Variants in POLRMT observed in about 807,000 individuals in gnomAD.
POLRMT encodes DNA-directed RNA polymerase, mitochondrial.
In POLRMT, 114 loss-of-function variants were observed where a neutral mutation model predicts 132.2. The ratio of observed to expected loss-of-function variants is 0.86; its 90% CI spans 0.74 to 1.01. The LOEUF is 1.01. Ranked by LOEUF, POLRMT falls within the 50% of genes least tolerant of loss-of-function variation. The pLI is 0.00. For synonymous variants in POLRMT, 1,020 were observed against 773.4 expected (o/e 1.32, Z -5.29); for missense variants, 2,003 against 1,729.1 (o/e 1.16, Z -2.81).
At chr19:630,221 A>C in intron 2 of POLRMT, 53 bp from the exon 3 acceptor site, 1 of 1,523,882 alleles carries the variant, frequency 6.6e-7, no homozygotes, top group Non-Finnish European at 8.8e-7. Flanking sequence ...CCATTCGAGC[A>C]CCCGTCTCTC....
At position 620,152 on chromosome 19, in the gene POLRMT, C is replaced by T. The variant is rs1445381881; in HGVS notation, c.2764-72G>A. The T allele has an allele frequency of 2.6e-6, 4 of 1,518,282 alleles. No individual in the cohort carries two copies. In the East Asian group the frequency reaches 7.4e-5, roughly 28 times the overall value. 94.1% of individuals were successfully genotyped at this position (1,518,282 alleles called of 1,614,324 possible). A position where few individuals can be genotyped will look rare whatever the true frequency, so the allele number is the denominator to read the frequency against. ...ACGTGTGGGACCCCAAACCACCCCC[C>T]AGGTCGAGCCGTTCCTAGGGCCGTG... On this transcript the variant is annotated intron_variant, in intron 11 of 20. Coordinates refer to ENST00000588649, the MANE Select transcript of POLRMT (RefSeq NM_005035.4).
chr19:626,909 A>G (rs1247422295), intron 3 of POLRMT, among the ~76,000 whole-genome samples: 2 of 150,312 alleles, frequency 1.3e-5, no homozygotes, highest in Non-Finnish European at 3.0e-5. Context: ...ATATATATAT[A>G]TATATAAAAT....
At chr19:617,536 G>A (rs561702102) in intron 19 of POLRMT, 34 bp downstream of exon 19, 24 of 1,603,422 alleles carry the variant, frequency 1.5e-5, no homozygotes, top group African/African-American at 9.4e-5. Context: ...GGTGGGGGGG[G>A]AATCCAGGTA....
chr19:631,571 G>A (rs1446214262), intron 2 of POLRMT, among the ~76,000 whole-genome samples: 4 of 151,722 alleles, frequency 2.6e-5, no homozygotes, highest in Non-Finnish European at 5.9e-5. Flanking sequence ...CTCGGGAGGC[G>A]GAGGCTGCAG....
At position 622,261 on chromosome 19, in the gene POLRMT, G is replaced by A. The variant is rs775227402; in HGVS notation, c.1739C>T (p.Ala580Val). 3.2e-6 allele frequency: 5 copies of A among 1,561,662 alleles called. No individual in the cohort carries two copies. The highest frequency in any genetic ancestry group is 4.3e-6 in the Non-Finnish European group (5 of 1,154,402). ...CTGCGTAGCCTGCACCAGCATCTCCGCCAGCAGCTTGCCCAGCTCCATCTG... is the reference window on the plus strand; with the variant it reads ...CTGCGTAGCCTGCACCAGCATCTCCACCAGCAGCTTGCCCAGCTCCATCTG... ...PVQMELGKLL[A>V]EMLVQATQMP... Residue 580 changes from alanine to valine, a missense_variant, in exon 9 of 21, where the codon GCG (alanine) becomes GTG (valine). Transcript: ENST00000588649.
rs1003073711 is a variant in POLRMT, at chr19:622,358, G to A, written c.1642C>T (p.Leu548=). The A allele has an allele frequency of 3.6e-5, 56 of 1,551,018 alleles. No homozygotes were observed. Among genetic ancestry groups the A allele is most frequent in the Non-Finnish European group, 4.5e-5 (52 of 1,149,638 alleles). The change falls in exon 9 of 21, where the codon CTG becomes TTG. Residue 548 remains leucine, a synonymous_variant. Transcript: ENST00000588649. ...AGCTCCTCCCAGTACTGCCGCGGCA[G>A]GCAGGGCTCGGGCACCTGTAGGACA... The part of the protein sequence containing the change: ...ASDAEVPEPC[L]PRQYWEELGA...
At chr19:633,279 G>C (rs1016102976) in intron 1 of POLRMT, 146 bp downstream of exon 1, 1 of 1,038,168 alleles carries the variant, frequency 9.6e-7, no homozygotes. Context: ...AAGCGGGCAA[G>C]GGCGAGTGGA....
At position 618,069 on chromosome 19, in the gene POLRMT, C is replaced by T. The variant is rs567714620; in HGVS notation, c.3423-220G>A. ...TCCCAGAAGCCTCCTCGCCCCACCC[C>T]TGCCGCCCCCCACGCTGCTGTGGGA... On this transcript the variant is annotated intron_variant, in intron 17 of 20. Coordinates refer to ENST00000588649, the MANE Select transcript of POLRMT (RefSeq NM_005035.4). 5 of 588,336 alleles carry T rather than the reference C, an allele frequency of 8.5e-6. No homozygotes were observed. The African/African-American group carries it at 9.3e-5, about 11-fold the overall frequency. The allele number at this position is 588,336 out of a possible 1,614,324, so 36.4% of individuals were successfully genotyped here.
rs745717314 is a variant in POLRMT at position 619,987 on chromosome 19, G to A, written c.2857C>T (p.Gln953Ter). The change falls in exon 12 of 21, where the codon CAG (glutamine) becomes TAG (stop). Residue 953 changes from glutamine to a stop codon, truncating the protein, a stop_gained. Transcript: ENST00000588649. LOFTEE classifies it high-confidence loss of function. ...GCGGCCACGCCGCTGTACACGTCCTGCGGCACATCCGAGGGCTCCAGGTTG... is the reference window on the plus strand; with the variant it reads ...GCGGCCACGCCGCTGTACACGTCCTACGGCACATCCGAGGGCTCCAGGTTG... ...SVNLEPSDVP[Q>*]DVYSGVAAQV... is the part of the protein sequence containing the mutation. 6 of 1,597,614 alleles carry A rather than the reference G, an allele frequency of 3.8e-6. No individual in the cohort carries two copies. The highest frequency in any genetic ancestry group is 2.2e-5 in the East Asian group (1 of 44,504).
intron 6 of POLRMT, among the ~76,000 whole-genome samples, chr19:623,230 C>T (rs1568170342): frequency 6.6e-6 from 1 of 152,258 alleles, no homozygotes; most frequent in Non-Finnish European, 1.5e-5. Context: ...CGGGACCCCA[C>T]AAGTTTTCCC....
Position 621,137 on chromosome 19 carries a change from C to T in POLRMT, c.2561G>A (p.Arg854Gln), listed in dbSNP as rs1351420945. The change falls in exon 10 of 21, where the codon CGG becomes CAG. Residue 854 changes from arginine to glutamine, a missense_variant. By Grantham distance (43) the Arg-to-Gln change is conservative (BLOSUM62 1). Coordinates refer to ENST00000588649, the MANE Select transcript of POLRMT (RefSeq NM_005035.4). ...HLVNLTGLKK[R>Q]EPLRKRLAFA... ...GGCCAGGCGCTTCCGCAGCGGCTCC[C>T]GCTTCTTCAACCCCGTGAGATTGAC... 3 of 1,610,962 alleles carry T rather than the reference C, an allele frequency of 1.9e-6. No homozygotes were observed. Among genetic ancestry groups the T allele is most frequent in the Non-Finnish European group, 2.5e-6 (3 of 1,178,790 alleles).
intron 15 of POLRMT, 102 bp from the exon 16 acceptor site, chr19:618,862 C>A: frequency 7.1e-7 from 1 of 1,416,702 alleles, no homozygotes; most frequent in Non-Finnish European, 9.7e-7. Context: ...AGGATGGTGG[C>A]ACACTGGCGC....
At chr19:623,721 T>TCGCTG (rs1568170987) in intron 5 of POLRMT, 118 bp from the exon 6 acceptor site, 2 of 1,285,338 alleles carry the variant, frequency 1.6e-6, no homozygotes, top group Non-Finnish European at 2.2e-6. Context: ...CTGGTGGCTA[T>TCGCTG]CGCTGACGCG....
rs1984894209 is a variant in POLRMT, at chr19:624,736, T to C, written c.1123A>G (p.Arg375Gly). Residue 375 changes from arginine (R) to glycine (G), a missense_variant, in exon 5 of 21, where the codon AGG becomes GGG. Arg to Gly is a moderately radical substitution (Grantham distance 125, BLOSUM62 -2). Coordinates refer to ENST00000588649, the MANE Select transcript of POLRMT (RefSeq NM_005035.4). ...GGGCTCACCTTGGCATACACGTCCC[T>C]GAGCAGCTTGGAGGTGTTGACCGGG... is the stretch of plus-strand genomic sequence containing the variant. ...PPPVNTSKLL[R>G]DVYAKDGRVS... The C allele has an allele frequency of 1.2e-6, 2 of 1,613,598 alleles. No homozygotes were observed. Among genetic ancestry groups the C allele is most frequent in the Admixed American group, 1.7e-5 (1 of 59,982 alleles).
In POLRMT at chr19:627,147, C is replaced by CTTTT. The variant is rs771954413; in HGVS notation, c.823-1894_823-1893insAAAA. On this transcript the variant is annotated intron_variant, in intron 3 of 20. Transcript: ENST00000588649. ...GAGACCAGAGACATGAGTTTTGGGG[C>CTTTT]ATTTTTTTTTTTTTTTTTTTTTGAG... Among the ~76,000 whole-genome samples, 24 of 131,232 alleles carry CTTTT rather than the reference C, an allele frequency of 1.8e-4. 2 individuals carry two copies. The highest frequency in any genetic ancestry group is 4.7e-4 in the Admixed American group (6 of 12,746). 86.1% of individuals were successfully genotyped at this position (131,232 alleles called of 152,430 possible). A position where few individuals can be genotyped will look rare whatever the true frequency, so the allele number is the denominator to read the frequency against.
chr19:629,897 C>A lies in POLRMT; in HGVS notation c.465G>T (p.Ala155=), dbSNP rs144975902. ...GCTCCACCTGCAGGCGCCTGGTCAG[C>A]GCCTTGAACTCCCCGCTCTGGAATG... ...QMPFQSGEFK[A]LTRRLQVEPR... The change falls in exon 3 of 21, where the codon GCG becomes GCT. Residue 155 remains alanine, a synonymous_variant. Coordinates refer to ENST00000588649, the MANE Select transcript of POLRMT (RefSeq NM_005035.4). 3 of 1,612,980 alleles carry A rather than the reference C, an allele frequency of 1.9e-6. No individual in the cohort carries two copies. The highest frequency in any genetic ancestry group is 2.2e-5 in the South Asian group (2 of 91,048).
Position 619,265 on chromosome 19 carries a change from A to C in POLRMT, c.3098T>G (p.Val1033Gly), listed in dbSNP as rs957377136. The C allele has an allele frequency of 6.2e-7, 1 of 1,606,530 alleles. No individual in the cohort carries two copies. The highest frequency in any genetic ancestry group is 1.4e-5 in the African/African-American group (1 of 73,374). Reference protein sequence around the residue: ...EFVWEASHYLVRQVFKSLQEM... With the variant: ...EFVWEASHYLGRQVFKSLQEM... ...CTGTAGACTCTTGAAGACCTGGCGT[A>C]CGAGATAGTGAGAGGCCTCCCACAC... The change falls in exon 14 of 21, where the codon GTA becomes GGA. Residue 1033 changes from valine (V) to glycine (G), a missense_variant. Coordinates refer to ENST00000588649, the MANE Select transcript of POLRMT (RefSeq NM_005035.4).
intron 4 of POLRMT, 36 bp from the exon 5 acceptor site, chr19:624,941 G>A: frequency 6.3e-7 from 1 of 1,577,142 alleles, no homozygotes; most frequent in Non-Finnish European, 8.6e-7. Context: ...GGACGGGCCA[G>A]CCCCACGCTG....
At chr19:618,974 G>T in intron 15 of POLRMT, 23 bp downstream of exon 15, 1 of 1,528,328 alleles carries the variant, frequency 6.5e-7, no homozygotes, top group Non-Finnish European at 8.9e-7. Context: ...GCACACTGGG[G>T]AGGGATGGGG....
Sources: allele counts gnomAD v4.1 joint callset (sites outside exome capture counted in the v4.1 genomes callset), GRCh38; gene constraint gnomAD v4.1.1; transcripts MANE v1.5; gene names NCBI Gene and HGNC (gene_info 2026-07-23, HGNC 2026-07-21).